KLHL32: variants seen among roughly 807,000 people sequenced by gnomAD.
The protein encoded by KLHL32 is kelch-like protein 32.
KLHL32 carries 35 observed loss-of-function variants against 64.8 expected under a neutral mutation model. That is an observed-to-expected ratio of 0.54 (90% CI 0.41 to 0.72). KLHL32 has a LOEUF of 0.72. KLHL32 is among the 30% of genes least tolerant of loss of function. The pLI is 0.00. For missense variants in KLHL32, 589 were observed against 768.5 expected (o/e 0.77, Z 2.76); for synonymous variants, 259 against 281.0 (o/e 0.92, Z 0.78).
At chr6:97,064,748 T>C (rs758755558) in intron 5 of KLHL32, 22 bp downstream of exon 5, 1 of 1,556,180 alleles carries the variant, frequency 6.4e-7, no homozygotes, top group South Asian at 1.1e-5. Context: ...TGCATCCTGC[T>C]CATACACCCT....
chr6:97,071,939 A>G (rs974576199), intron 5 of KLHL32, among the ~76,000 whole-genome samples: 1 of 152,132 alleles, frequency 6.6e-6, no homozygotes, highest in Non-Finnish European at 1.5e-5. Context: ...CCTAAAATCC[A>G]AGCTAGCTTT....
intron 1 of KLHL32, among the ~76,000 whole-genome samples, chr6:96,930,678 T>C (rs777819481): frequency 6.6e-6 from 1 of 152,132 alleles, no homozygotes; most frequent in Non-Finnish European, 1.5e-5. Flanking sequence ...ACCCTCATTA[T>C]GCTATGGAGC....
chr6:97,076,848 TTAA>T (rs1791676252), intron 5 of KLHL32, among the ~76,000 whole-genome samples: 1 of 151,890 alleles, frequency 6.6e-6, no homozygotes, highest in South Asian at 2.1e-4. Context: ...AATAAATGTA[TTAA>T]TATTTAATAA....
At chr6:97,085,436 C>G in intron 6 of KLHL32, 95 bp downstream of exon 6, 1 of 1,040,926 alleles carries the variant, frequency 9.6e-7, no homozygotes, top group East Asian at 2.6e-5. Context: ...ATTTTAGTGG[C>G]TTTGGTCCTC....
In KLHL32 at chr6:96,972,147, C is replaced by T. The variant is rs1775183203; in HGVS notation, c.24-3850C>T. Reference sequence around the variant, plus strand: ...TATTACAGGTGTGAGTCATGATGCCCAGCCCTAAAAAAGGTAAAATTAATT... The same window carrying T: ...TATTACAGGTGTGAGTCATGATGCCTAGCCCTAAAAAAGGTAAAATTAATT... On this transcript the variant is annotated intron_variant, in intron 2 of 10. Coordinates refer to ENST00000369261, the MANE Select transcript of KLHL32 (RefSeq NM_052904.4). Among the ~76,000 whole-genome samples, 4 of 152,106 alleles carry T rather than the reference C, an allele frequency of 2.6e-5. No homozygotes were observed. In the South Asian group the frequency reaches 8.3e-4, roughly 32 times the overall value.
chr6:96,921,480 C>A (rs890056155), upstream of KLHL32, among the ~76,000 whole-genome samples: 6 of 152,126 alleles, frequency 3.9e-5, no homozygotes, highest in African/African-American at 4.8e-5. Context: ...TTTGTGTTAT[C>A]CACTTGAAAA....
chr6:97,136,555 T>C (rs1800038729), intron 10 of KLHL32, among the ~76,000 whole-genome samples: 1 of 152,244 alleles, frequency 6.6e-6, no homozygotes, highest in African/African-American at 2.4e-5. Flanking sequence ...GAGGTTTGAC[T>C]CTAATCTTGT....
intron 3 of KLHL32, among the ~76,000 whole-genome samples, chr6:97,029,325 TA>T (rs1166471097): frequency 1.1e-4 from 16 of 152,332 alleles, no homozygotes; most frequent in Non-Finnish European, 7.3e-5. Flanking sequence ...CTAGATCCTT[TA>T]AATAAACAAG....
At chr6:97,000,502 T>A (rs1778899717) in intron 3 of KLHL32, among the ~76,000 whole-genome samples, 2 of 152,232 alleles carry the variant, frequency 1.3e-5, no homozygotes, top group Non-Finnish European at 2.9e-5. Flanking sequence ...ACAGACAGAC[T>A]ACTTTGAGGA....
Position 97,099,259 on chromosome 6 carries a change from G to A in KLHL32, c.627+13918G>A, listed in dbSNP as rs955771362. Among the ~76,000 whole-genome samples the A allele has an allele frequency of 3.9e-5, 6 of 152,168 alleles. No individual in the cohort carries two copies. In the East Asian group the frequency reaches 5.8e-4, roughly 15 times the overall value. The stretch of plus-strand genomic sequence containing the variant: ...TGCACCCCTCAACGGTGATATTCCC[G>A]CTTGGGTCCTCTTGCCTTTCATTGC... On this transcript the variant is annotated intron_variant, in intron 6 of 10. Transcript: ENST00000369261.
rs1799563082 is a variant in KLHL32, at chr6:97,132,657, A to G, written c.1611A>G (p.Gln537=). 1 of 1,606,686 alleles carries G rather than the reference A, an allele frequency of 6.2e-7. No individual in the cohort carries two copies. The highest frequency in any genetic ancestry group is 8.5e-7 in the Non-Finnish European group (1 of 1,176,258). The change falls in exon 10 of 11, where the codon CAA becomes CAG. Residue 537 remains glutamine (Q), a synonymous_variant. Transcript: ENST00000369261. ...TRCNFNLLTG[Q]NESGVAVHNG... is the part of the protein sequence containing the mutation. Reference sequence around the variant, plus strand: ...ATTCAATTCTCTTTACTTTAGGCCAAAATGAATCTGGAGTTGCTGTCCATA... The same window carrying G: ...ATTCAATTCTCTTTACTTTAGGCCAGAATGAATCTGGAGTTGCTGTCCATA...
intron 4 of KLHL32, among the ~76,000 whole-genome samples, chr6:97,045,034 G>C (rs529890870): frequency 6.6e-6 from 1 of 151,920 alleles, no homozygotes; most frequent in Non-Finnish European, 1.5e-5. Context: ...TTATTAAAAC[G>C]TATGATATCA....
At chr6:96,950,190 C>T (rs1263526223) in intron 1 of KLHL32, among the ~76,000 whole-genome samples, 1 of 151,454 alleles carries the variant, frequency 6.6e-6, no homozygotes, top group Non-Finnish European at 1.5e-5. Context: ...ATGACAGAGG[C>T]AAGTGTTTTT....
chr6:97,022,128 T>G (rs1782079024), intron 3 of KLHL32, among the ~76,000 whole-genome samples: 1 of 150,966 alleles, frequency 6.6e-6, no homozygotes, highest in Admixed American at 6.6e-5. Context: ...GCAGCCCCAG[T>G]GAACCCACTG....
intron 1 of KLHL32, among the ~76,000 whole-genome samples, chr6:96,937,430 C>T (rs1320932419): frequency 3.9e-5 from 6 of 152,140 alleles, no homozygotes; most frequent in East Asian, 1.9e-4. Flanking sequence ...AGATAACTAG[C>T]GTCAGGACAT....
At chr6:97,068,215 C>T (rs969091178) in intron 5 of KLHL32, among the ~76,000 whole-genome samples, 2 of 152,058 alleles carry the variant, frequency 1.3e-5, no homozygotes, top group African/African-American at 4.8e-5. Context: ...TCACCTTGCC[C>T]AAGCATATTA....
intron 5 of KLHL32, among the ~76,000 whole-genome samples, chr6:97,078,275 A>G (rs941602874): frequency 6.6e-6 from 1 of 152,230 alleles, no homozygotes; most frequent in African/African-American, 2.4e-5. Flanking sequence ...TCAACATTTT[A>G]TATAAGAACT....
At chr6:96,900,535 G>A in the KLHL32 span, among the ~76,000 whole-genome samples, 5 of 152,222 alleles carry the variant, frequency 3.3e-5, no homozygotes, top group Admixed American at 2.0e-4. Flanking sequence ...ATATGGGTGG[G>A]AATCATTAGT....
At chr6:97,079,078 C>G (rs1792065919) in intron 5 of KLHL32, among the ~76,000 whole-genome samples, 1 of 152,150 alleles carries the variant, frequency 6.6e-6, no homozygotes, top group Non-Finnish European at 1.5e-5. Context: ...CATAAGGCTG[C>G]ATGTTTTTCT....
Sources: gnomAD v4.1 joint callset for allele counts (sites outside exome capture counted in the v4.1 genomes callset) on GRCh38, gnomAD v4.1.1 for gene constraint, MANE v1.5 for transcripts, NCBI Gene and HGNC (gene_info 2026-07-23, HGNC 2026-07-21) for gene names.